ACVR1C: variants seen among roughly 807,000 people sequenced by gnomAD.
The protein encoded by ACVR1C is activin receptor type-1C.
ACVR1C carries 23 observed loss-of-function variants against 57.9 expected under a neutral mutation model. The observed-to-expected ratio is 0.40, with a 90% CI of 0.29 to 0.56. The LOEUF is 0.56. Among genes scored for constraint, ACVR1C ranks in the 20% least tolerant of loss-of-function variants. ACVR1C has a pLI of 0.50. For missense variants in ACVR1C, 480 were observed against 607.9 expected, an observed-to-expected ratio of 0.79 and a Z score of 2.21; for synonymous variants, 214 against 215.3, an observed-to-expected ratio of 0.99 and a Z score of 0.05.
intron 2 of ACVR1C, among the ~76,000 whole-genome samples, chr2:157,574,700 G>C (rs929393098): frequency 6.6e-6 from 1 of 152,070 alleles, no homozygotes; most frequent in Non-Finnish European, 1.5e-5. Flanking sequence ...AATTAGAATT[G>C]GGTTTAACTA....
chr2:157,551,839 G>A (rs1172816780), intron 3 of ACVR1C, among the ~76,000 whole-genome samples: 2 of 152,082 alleles, frequency 1.3e-5, no homozygotes, highest in Non-Finnish European at 2.9e-5. Flanking sequence ...TCATTCACAT[G>A]TTCTCATATG....
chr2:157,578,249 TA>T (rs953060983), intron 2 of ACVR1C, among the ~76,000 whole-genome samples: 18 of 152,270 alleles, frequency 1.2e-4, no homozygotes, highest in Non-Finnish European at 2.1e-4. Context: ...CATTTTTCCG[TA>T]CTGGAGATTA....
chr2:157,603,560 T>C (rs1291801810), intron 1 of ACVR1C, among the ~76,000 whole-genome samples: 1 of 152,146 alleles, frequency 6.6e-6, no homozygotes, highest in Non-Finnish European at 1.5e-5. Context: ...AGGTGATAAA[T>C]GACCTTTCAA....
intron 2 of ACVR1C, among the ~76,000 whole-genome samples, chr2:157,573,888 A>C (rs571775154): frequency 6.6e-6 from 1 of 152,222 alleles, no homozygotes; most frequent in Non-Finnish European, 1.5e-5. Flanking sequence ...TAAGGAAGTA[A>C]GATACAAAAT....
In ACVR1C at chr2:157,573,990, A is replaced by G. The variant is rs567585362; in HGVS notation, c.304+13197T>C. 2.1e-3 allele frequency among the ~76,000 whole-genome samples: 315 copies of G among 152,348 alleles called. 1 individual carries two copies. Among genetic ancestry groups the G allele is most frequent in the Non-Finnish European group, 2.5e-4 (17 of 68,030 alleles). ...CCAGTGGATATAAGCACAATACATC[A>G]TGAATGAATGAAATAAATAAGAAAA... On this transcript the variant is annotated intron_variant, in intron 2 of 8. Coordinates refer to ENST00000243349, the MANE Select transcript of ACVR1C (RefSeq NM_145259.3).
intron 2 of ACVR1C, among the ~76,000 whole-genome samples, chr2:157,576,573 G>T (rs574492315): frequency 2.0e-5 from 3 of 152,148 alleles, no homozygotes; most frequent in Admixed American, 6.5e-5. Flanking sequence ...TTGTCAACTT[G>T]GGTAAACTTG....
intron 1 of ACVR1C, among the ~76,000 whole-genome samples, chr2:157,598,392 A>G (rs1169478543): frequency 6.6e-6 from 1 of 151,874 alleles, no homozygotes; most frequent in African/African-American, 2.4e-5. Context: ...AAAAAAGAAA[A>G]AAGAGCATTA....
intron 2 of ACVR1C, among the ~76,000 whole-genome samples, chr2:157,559,469 A>G (rs146002682): frequency 1.3e-3 from 202 of 152,358 alleles, no homozygotes; most frequent in African/African-American, 4.8e-3. Flanking sequence ...GAAAACAATC[A>G]TGCAGCTAAG....
chr2:157,575,220 C>T (rs917069113), intron 2 of ACVR1C, among the ~76,000 whole-genome samples: 2 of 132,944 alleles, frequency 1.5e-5, no homozygotes, highest in Non-Finnish European at 3.5e-5. Context: ...CCTCCGCCTC[C>T]CGGGTTCAAG....
chr2:157,591,904 A>G (rs1267441361), intron 1 of ACVR1C, among the ~76,000 whole-genome samples: 1 of 152,078 alleles, frequency 6.6e-6, no homozygotes. Context: ...TCTCTGGACT[A>G]CTCAAGCAAT....
chr2:157,600,853 T>C (rs1194265337), intron 1 of ACVR1C, among the ~76,000 whole-genome samples: 1 of 152,160 alleles, frequency 6.6e-6, no homozygotes, highest in Admixed American at 6.5e-5. Context: ...CTGGATACTA[T>C]GAGGAATTCA....
At chr2:157,558,824 T>C (rs1249665592) in intron 2 of ACVR1C, among the ~76,000 whole-genome samples, 3 of 152,246 alleles carry the variant, frequency 2.0e-5, no homozygotes, top group Admixed American at 2.0e-4. Context: ...GATTTTATTG[T>C]GTATTTCACA....
In ACVR1C at chr2:157,531,925, T is replaced by A. The variant is rs995463917; in HGVS notation, c.*1993A>T. 5 of 152,240 alleles carry A rather than the reference T, an allele frequency of 3.3e-5. No individual in the cohort carries two copies. Among genetic ancestry groups the A allele is most frequent in the Non-Finnish European group, 5.9e-5 (4 of 67,994 alleles). 9.4% of individuals were successfully genotyped at this position (152,240 alleles called of 1,614,324 possible). ...CCACACACTCACATCCCTATTCCCA[T>A]TCCCAAATTAGACTTTAAAATCCCT... On this transcript the variant is annotated 3_prime_UTR_variant, in exon 9 of 9. Transcript: ENST00000243349.
At chr2:157,544,037 T>G (rs1293857844) in intron 5 of ACVR1C, among the ~76,000 whole-genome samples, 1 of 127,880 alleles carries the variant, frequency 7.8e-6, no homozygotes, top group Non-Finnish European at 1.6e-5. Context: ...TTTCTTTACT[T>G]TTTTTTTTTT....
chr2:157,598,317 T>A (rs1238435096), intron 1 of ACVR1C, among the ~76,000 whole-genome samples: 1 of 151,462 alleles, frequency 6.6e-6, no homozygotes, highest in African/African-American at 2.4e-5. Flanking sequence ...CTCATAAATA[T>A]ATACAATTAT....
intron 2 of ACVR1C, 93 bp downstream of exon 2, chr2:157,587,094 T>C (rs1688940972): frequency 2.6e-6 from 3 of 1,160,206 alleles, no homozygotes; most frequent in South Asian, 1.5e-5. Context: ...GATTTTCCTA[T>C]TTAAAGAAAC....
At chr2:157,584,851 G>A (rs1436904937) in intron 2 of ACVR1C, among the ~76,000 whole-genome samples, 1 of 152,116 alleles carries the variant, frequency 6.6e-6, no homozygotes, top group Admixed American at 6.6e-5. Context: ...ATGGATGAAT[G>A]GATTTTTTAA....
intron 8 of ACVR1C, among the ~76,000 whole-genome samples, chr2:157,536,536 C>G (rs1033658990): frequency 6.6e-6 from 1 of 152,056 alleles, no homozygotes; most frequent in African/African-American, 2.4e-5. Flanking sequence ...TGACTGTTAA[C>G]CTAAATTTCT....
intron 2 of ACVR1C, among the ~76,000 whole-genome samples, chr2:157,582,225 T>C (rs1688807580): frequency 6.6e-6 from 1 of 152,048 alleles, no homozygotes; most frequent in African/African-American, 2.4e-5. Flanking sequence ...CTCAAGAAGC[T>C]AAGGTAGAAA....
Sources: allele counts gnomAD v4.1 joint callset (sites outside exome capture counted in the v4.1 genomes callset), GRCh38; gene constraint gnomAD v4.1.1; transcripts MANE v1.5; gene names NCBI Gene and HGNC (gene_info 2026-07-23, HGNC 2026-07-21).